Variants in ICA1 observed in about 807,000 individuals in gnomAD.
ICA1 encodes 69 kDa islet cell autoantigen.
A neutral mutation model predicts 71.0 loss-of-function variants in ICA1; 40 were observed. The ratio of observed to expected loss-of-function variants is 0.56; its 90% confidence interval spans 0.44 to 0.73. The LOEUF (loss-of-function observed/expected upper bound fraction) is 0.73, where lower values mean the gene tolerates loss of function less well. ICA1 is among the 30% of genes least tolerant of loss of function. ICA1 has a pLI of 0.00. For missense variants in ICA1, 578 were observed against 576.5 expected (o/e 1.00, Z -0.03); for synonymous variants, 207 against 209.5 (o/e 0.99, Z 0.10).
At position 8,222,320 on chromosome 7, in the gene ICA1, C is replaced by A. The variant is rs149493683; in HGVS notation, c.257-922G>T. Among the ~76,000 whole-genome samples, 1,731 of 152,156 alleles carry A rather than the reference C, an allele frequency of 0.011. 9 individuals carry two copies. The highest frequency in any genetic ancestry group is 0.024 in the Middle Eastern group (7 of 294). Reference sequence around the variant, plus strand: ...ACACCAGCAGCCAAGCCACAGGCACCAGAGTGACACTTAGCTTCCTCGGAT... The same window carrying A: ...ACACCAGCAGCCAAGCCACAGGCACAAGAGTGACACTTAGCTTCCTCGGAT... On this transcript the variant is annotated intron_variant, in intron 4 of 13. Coordinates refer to ENST00000402384, the MANE Select transcript of ICA1 (RefSeq NM_001136020.3). This position sits in a 1 kb window ranked among gnomAD's most constrained non-coding sequence, Gnocchi z 4.8.
At position 8,113,926 on chromosome 7, in the gene ICA1, T is replaced by C. The variant is rs1189076787; in HGVS notation, c.1449A>G (p.Ala483=). The part of the protein sequence containing the change: ...KTDKEHELLN[A] ...TGCCCTCCCGAAGGGTACAGATTCA[T>C]GCATTGAGCAATTCGTGTTCTTTAT... is the stretch of plus-strand genomic sequence containing the variant. The change falls in exon 14 of 14, where the codon GCA becomes GCG. Residue 483 remains alanine (A), a synonymous_variant. Transcript: ENST00000402384. The surrounding 1 kb of genome is among the most constrained non-coding windows in gnomAD (Gnocchi z 4.2). 6 of 1,614,188 alleles carry C rather than the reference T, an allele frequency of 3.7e-6. No individual in the cohort carries two copies. Among genetic ancestry groups the C allele is most frequent in the Non-Finnish European group, 4.2e-6 (5 of 1,180,022 alleles).
chr7:8,128,892 C>T (rs1029850324), intron 12 of ICA1, among the ~76,000 whole-genome samples: 1 of 152,190 alleles, frequency 6.6e-6, no homozygotes, highest in Admixed American at 6.5e-5. Context: ...TATGTGACTT[C>T]GGTAAAAACC....
chr7:8,166,959 T>C (rs1476885063), intron 6 of ICA1, among the ~76,000 whole-genome samples: 1 of 152,100 alleles, frequency 6.6e-6, no homozygotes. Flanking sequence ...AGAATGGCTA[T>C]TAAAAAGTCA....
rs1471149086 is a variant in ICA1 at position 8,218,520 on chromosome 7, A to T, written c.381-17T>A. ...AAGGCCAACCTAGACAAGAGGACAA[A>T]GCCACACTCTCAAAACTAAGCCAGT... On this transcript the variant is annotated splice_polypyrimidine_tract_variant and intron_variant, in intron 5 of 13. Transcript: ENST00000402384. 9.3e-6 allele frequency: 15 copies of T among 1,611,386 alleles called. No individual in the cohort carries two copies. Among genetic ancestry groups the T allele is most frequent in the Non-Finnish European group, 1.3e-5 (15 of 1,177,764 alleles).
chr7:8,250,079 C>G (rs1807620830), intron 1 of ICA1, among the ~76,000 whole-genome samples: 1 of 152,128 alleles, frequency 6.6e-6, no homozygotes, highest in South Asian at 2.1e-4. Context: ...GCCTGATGAA[C>G]AGGGGAAATA....
chr7:8,249,807 G>A (rs2128521134), intron 1 of ICA1, among the ~76,000 whole-genome samples: 1 of 152,324 alleles, frequency 6.6e-6, no homozygotes, highest in South Asian at 2.1e-4. Context: ...AAGTGGAAAT[G>A]TGTGTCTCCT....
chr7:8,157,495 C>T (rs956720533), intron 7 of ICA1: 6 of 400,792 alleles, frequency 1.5e-5, no homozygotes, highest in Non-Finnish European at 2.7e-5. Context: ...CCTCCAAAAC[C>T]CAGGGTAAAT....
chr7:8,222,381 A>G lies in ICA1; in HGVS notation c.257-983T>C, dbSNP rs971431037. 9.2e-5 allele frequency among the ~76,000 whole-genome samples: 14 copies of G among 152,160 alleles called. No homozygotes were observed. Among genetic ancestry groups the G allele is most frequent in the Non-Finnish European group, 1.3e-4 (9 of 68,028 alleles). ...CCTAAACACAGCATTTACTATCAAC[A>G]TACTTTGAACACTACTTTTATTTCC... On this transcript the variant is annotated intron_variant, in intron 4 of 13. Coordinates refer to ENST00000402384, the MANE Select transcript of ICA1 (RefSeq NM_001136020.3). This position sits in a 1 kb window ranked among gnomAD's most constrained non-coding sequence, Gnocchi z 4.8.
At chr7:8,243,552 G>A (rs181921049) in intron 1 of ICA1, among the ~76,000 whole-genome samples, 78 of 152,276 alleles carry the variant, frequency 5.1e-4, no homozygotes, top group Admixed American at 1.2e-3. Flanking sequence ...ACATAGTGTT[G>A]GAAGTTCTGG....
intron 8 of ICA1, 137 bp downstream of exon 8, chr7:8,156,979 C>A (rs1411442801): frequency 2.6e-6 from 4 of 1,561,660 alleles, no homozygotes; most frequent in Non-Finnish European, 3.5e-6. Flanking sequence ...AAGAAAAAGA[C>A]TCTGCTGGGG....
Position 8,113,841 on chromosome 7 carries a change from A to C in ICA1, c.*82T>G. 1.4e-6 allele frequency: 2 copies of C among 1,443,284 alleles called. No homozygotes were observed. 89.4% of individuals were successfully genotyped at this position (1,443,284 alleles called of 1,614,324 possible). On this transcript the variant is annotated 3_prime_UTR_variant, in exon 14 of 14. Coordinates refer to ENST00000402384, the MANE Select transcript of ICA1 (RefSeq NM_001136020.3). This position sits in a 1 kb window ranked among gnomAD's most constrained non-coding sequence, Gnocchi z 4.2. The stretch of plus-strand genomic sequence containing the variant: ...AATGGCACATAATTATTAAAACAGC[A>C]TACTGATCACTTTATACTTCTGCTA...
chr7:8,167,159 A>T (rs1806309803), intron 6 of ICA1, among the ~76,000 whole-genome samples: 1 of 152,232 alleles, frequency 6.6e-6, no homozygotes, highest in Non-Finnish European at 1.5e-5. Flanking sequence ...TTCTACCATA[A>T]AGACACATGC....
chr7:8,147,306 C>T (rs1797367551), intron 8 of ICA1, among the ~76,000 whole-genome samples: 1 of 152,116 alleles, frequency 6.6e-6, no homozygotes, highest in African/African-American at 2.4e-5. Flanking sequence ...CCCTGTTGGC[C>T]CATTAGCAGG....
Position 8,234,218 on chromosome 7 carries a change from A to T in ICA1, c.18-1463T>A, listed in dbSNP as rs1396674897. Among the ~76,000 whole-genome samples the T allele has an allele frequency of 6.6e-6, 1 of 152,224 alleles. No homozygotes were observed. The highest frequency in any genetic ancestry group is 1.5e-5 in the Non-Finnish European group (1 of 68,046). ...GATACGGGGCGAGACCCTGTCCCTC[A>T]AAAAAGAAAAAAGAGAAGAAAAAAG... On this transcript the variant is annotated intron_variant, in intron 2 of 13. Coordinates refer to ENST00000402384, the MANE Select transcript of ICA1 (RefSeq NM_001136020.3). This position sits in a 1 kb window ranked among gnomAD's most constrained non-coding sequence, Gnocchi z 4.5.
At chr7:8,149,601 A>G (rs1163073828) in intron 8 of ICA1, among the ~76,000 whole-genome samples, 1 of 152,262 alleles carries the variant, frequency 6.6e-6, no homozygotes, top group Non-Finnish European at 1.5e-5. Flanking sequence ...AAAACTACTT[A>G]GCAAAACAAA....
In ICA1 at chr7:8,127,765, A is replaced by G; in HGVS notation, c.1330+108T>C. The G allele has an allele frequency of 2.4e-6, 3 of 1,253,852 alleles. No individual in the cohort carries two copies. In the East Asian group the frequency reaches 7.0e-5, roughly 29 times the overall value. 77.7% of individuals were successfully genotyped at this position (1,253,852 alleles called of 1,614,324 possible). A position where few individuals can be genotyped will look rare whatever the true frequency, so the allele number is the denominator to read the frequency against. ...AGTCTCCAGTTAAAAAGTCAATAAA[A>G]ATAGAGAAAACATTAAAAAAGACAA... On this transcript the variant is annotated intron_variant, in intron 13 of 13. Transcript: ENST00000402384.
intron 13 of ICA1, among the ~76,000 whole-genome samples, chr7:8,122,697 C>T (rs758212085): frequency 1.2e-4 from 19 of 152,344 alleles, no homozygotes; most frequent in Non-Finnish European, 2.1e-4. Flanking sequence ...AAAGGTGAAA[C>T]GGAGATAACC....
chr7:8,203,446 C>T (rs1790434569), intron 6 of ICA1, among the ~76,000 whole-genome samples: 1 of 152,184 alleles, frequency 6.6e-6, no homozygotes, highest in African/African-American at 2.4e-5. Flanking sequence ...CAGTCATCAT[C>T]ATGAACATCA....
chr7:8,210,475 C>T (rs1321128577), intron 6 of ICA1, among the ~76,000 whole-genome samples: 2 of 152,094 alleles, frequency 1.3e-5, no homozygotes, highest in African/African-American at 2.4e-5. Context: ...ACCACGAAGT[C>T]GAACTAAAAG....
Sources: gnomAD v4.1 joint callset for allele counts (sites outside exome capture counted in the v4.1 genomes callset) on GRCh38, gnomAD v4.1.1 for gene constraint, Gnocchi (gnomAD v3.1) non-coding constraint, MANE v1.5 for transcripts, NCBI Gene and HGNC (gene_info 2026-07-23, HGNC 2026-07-21) for gene names.